Variants in MASP2 observed in about 807,000 individuals in gnomAD.
MASP2 encodes the protein MBL associated serine protease 2.
Under a neutral mutation model 57.1 loss-of-function variants are expected in MASP2, and 49 were observed. That is an observed-to-expected ratio of 0.86 (90% CI 0.68 to 1.09). The LOEUF (loss-of-function observed/expected upper bound fraction) is 1.09. Among genes scored for constraint, MASP2 ranks in the 50% least tolerant of loss-of-function variants. The pLI, the probability that MASP2 is intolerant of heterozygous loss-of-function variation, is 0.00. For synonymous variants in MASP2, 379 were observed against 340.8 expected, an observed-to-expected ratio of 1.11 and a Z score of -1.24; for missense variants, 900 against 874.8, an observed-to-expected ratio of 1.03 and a Z score of -0.36.
chr1:11,029,934 A>AT (rs1643813680), intron 10 of MASP2: 1 of 352,512 alleles, frequency 2.8e-6, no homozygotes, highest in Non-Finnish European at 5.1e-6. Flanking sequence ...AAATCATTTA[A>AT]TTTTTTATGC....
chr1:11,042,774 G>A lies in MASP2; in HGVS notation c.889+101C>T, dbSNP rs1638499703. On this transcript the variant is annotated intron_variant, in intron 6 of 10. Coordinates refer to ENST00000400897, the MANE Select transcript of MASP2 (RefSeq NM_006610.4). Reference sequence around the variant, plus strand: ...CCACTAAACCTGGTGTCCCTTCCTAGTCCTGGCCCAGAAGGAGCCCTACAC... The same window carrying A: ...CCACTAAACCTGGTGTCCCTTCCTAATCCTGGCCCAGAAGGAGCCCTACAC... 54 of 1,377,284 alleles carry A rather than the reference G, an allele frequency of 3.9e-5. No individual in the cohort carries two copies. In the South Asian group the frequency reaches 6.4e-4, roughly 16 times the overall value. The allele number at this position is 1,377,284 out of a possible 1,614,324, so 85.3% of individuals were successfully genotyped here.
intron 4 of MASP2, chr1:11,044,799 G>GGGGT: frequency 6.6e-7 from 1 of 1,523,148 alleles, no homozygotes; most frequent in Non-Finnish European, 8.8e-7. Flanking sequence ...GGCAGCAGGT[G>GGGGT]GGGTGGGGCC....
Position 11,027,078 on chromosome 1 carries a change from C to T in MASP2, c.1868G>A (p.Ser623Asn). 1 of 1,594,858 alleles carries T rather than the reference C, an allele frequency of 6.3e-7. No homozygotes were observed. Among genetic ancestry groups the T allele is most frequent in the Non-Finnish European group, 8.5e-7 (1 of 1,170,422 alleles). ...TANMLCAGLE[S>N]GGKDSCRGDS... ...ACCTCTGCAGCTGTCCTTGCCCCCACTTTCTAAGCCAGCACAAAGCATGTT... is the reference window on the plus strand; with the variant it reads ...ACCTCTGCAGCTGTCCTTGCCCCCATTTTCTAAGCCAGCACAAAGCATGTT... The change falls in exon 11 of 11, where the codon AGT becomes AAT. Residue 623 changes from serine (S) to asparagine (N), a missense_variant. Physicochemically the swap from Ser to Asn is conservative, Grantham distance 46 (BLOSUM62 1). Coordinates refer to ENST00000400897, the MANE Select transcript of MASP2 (RefSeq NM_006610.4).
At chr1:11,031,069 CGTGCCTGTTGTCCCAATTACTTGAGAG>C (rs529671645) in intron 8 of MASP2, among the ~76,000 whole-genome samples, 187 bp from the exon 9 acceptor site, 35 of 151,912 alleles carry the variant, frequency 2.3e-4, no homozygotes, top group Middle Eastern at 3.4e-3. Context: ...CATGGTGGCA[CGTGCCTGTTGTCCCAATTACTTGAGAG>C]GCTGAGGTGG....
intron 6 of MASP2, among the ~76,000 whole-genome samples, chr1:11,040,698 G>A (rs1638397920): frequency 6.6e-6 from 1 of 151,356 alleles, no homozygotes; most frequent in African/African-American, 2.4e-5. Context: ...CAGCTGGAAA[G>A]ATGGATGGAT....
intron 10 of MASP2, among the ~76,000 whole-genome samples, chr1:11,027,940 T>C (rs1386382191): frequency 2.0e-5 from 3 of 152,112 alleles, no homozygotes; most frequent in African/African-American, 7.2e-5. Flanking sequence ...ATTGGGAAAA[T>C]TGGCCGGGTG....
chr1:11,036,536 A>C (rs1638242770), intron 7 of MASP2, among the ~76,000 whole-genome samples: 3 of 139,136 alleles, frequency 2.2e-5, no homozygotes, highest in African/African-American at 5.9e-5. Flanking sequence ...AAAAAAAAAA[A>C]ACAAAAAAAA....
chr1:11,033,223 G>A (rs1320862999), intron 8 of MASP2, among the ~76,000 whole-genome samples: 1 of 152,056 alleles, frequency 6.6e-6, no homozygotes. Flanking sequence ...AGCTACTAGG[G>A]AGGCTGAGGC....
chr1:11,033,442 C>T (rs1185793730), intron 8 of MASP2, among the ~76,000 whole-genome samples: 3 of 152,098 alleles, frequency 2.0e-5, no homozygotes, highest in Non-Finnish European at 4.4e-5. Context: ...CTCAGGAGTT[C>T]AAGACCAGCT....
intron 9 of MASP2, 178 bp from the exon 10 acceptor site, chr1:11,030,428 C>G: frequency 1.7e-6 from 1 of 595,010 alleles, no homozygotes; most frequent in Non-Finnish European, 2.9e-6. Flanking sequence ...TGTTTGCTTG[C>G]AAAGTGGAAA....
chr1:11,043,563 C>T, intron 4 of MASP2, 28 bp from the exon 5 acceptor site: 2 of 1,530,004 alleles, frequency 1.3e-6, no homozygotes, highest in Non-Finnish European at 1.8e-6. Context: ...AGGGGAGTGA[C>T]TTGGCGTGCC....
In MASP2 at chr1:11,027,582, TCAC is replaced by T. The variant is rs769805840; in HGVS notation, c.1361_1363del (p.Gly454del). ...TAATATCAGGACTTGCCAAGGAAAATCACCAGGTTTTGCCTTTTGCCCTCCATA... is the reference window on the plus strand; with the variant it reads ...TAATATCAGGACTTGCCAAGGAAAATCAGGTTTTGCCTTTTGCCCTCCATA... On this transcript the variant is annotated inframe_deletion, in exon 11 of 11. Coordinates refer to ENST00000400897, the MANE Select transcript of MASP2 (RefSeq NM_006610.4). 1 of 1,614,144 alleles carries T rather than the reference TCAC, an allele frequency of 6.2e-7. No individual in the cohort carries two copies. The highest frequency in any genetic ancestry group is 1.1e-5 in the South Asian group (1 of 91,076).
chr1:11,030,248 T>G lies in MASP2; in HGVS notation c.1225A>C (p.Lys409Gln). ...TFYTMKVNDG[K>Q]YVCEADGFWT... is the part of the protein sequence containing the mutation. ...AATCCATCAGCCTCACACACATATT[T>G]ACCTGCAAATCATTGGAAAAGCAAA... Residue 409 changes from lysine (K) to glutamine (Q), a missense_variant and splice_region_variant, in exon 10 of 11, where the codon AAA becomes CAA. By Grantham distance (53) the Lys-to-Gln change is moderately conservative. Transcript: ENST00000400897. 1.2e-6 allele frequency: 2 copies of G among 1,612,152 alleles called. No homozygotes were observed. The highest frequency in any genetic ancestry group is 1.7e-6 in the Non-Finnish European group (2 of 1,179,108).
rs150101704 is a variant in MASP2 at position 11,035,974 on chromosome 1, G to C, written c.1009-1068C>G. Among the ~76,000 whole-genome samples the C allele has an allele frequency of 1.3e-3, 193 of 151,792 alleles. 4 individuals are homozygous for C. In the East Asian group the frequency reaches 0.036, roughly 28 times the overall value. ...CAGGTGTGATCAGACTTGCAAGTGT[G>C]TCTGTGTATCTGTCTAGCTGGTGGC... On this transcript the variant is annotated intron_variant, in intron 7 of 10. Transcript: ENST00000400897.
chr1:11,036,481 G>A (rs371589010), intron 7 of MASP2, among the ~76,000 whole-genome samples: 11 of 131,410 alleles, frequency 8.4e-5, no homozygotes, highest in Admixed American at 7.6e-4. Context: ...TCCGCAGTCC[G>A]GCCTGGGCGA....
At chr1:11,041,964 G>T (rs1191531544) in intron 6 of MASP2, among the ~76,000 whole-genome samples, 1 of 151,100 alleles carries the variant, frequency 6.6e-6, no homozygotes, top group East Asian at 2.0e-4. Flanking sequence ...ATAGGTGGAA[G>T]AATGGGTGGA....
intron 6 of MASP2, among the ~76,000 whole-genome samples, chr1:11,041,953 G>A (rs917290275): frequency 5.3e-5 from 8 of 150,906 alleles, no homozygotes; most frequent in Non-Finnish European, 1.0e-4. Flanking sequence ...TAAGTGGATG[G>A]ATAGGTGGAA....
chr1:11,041,736 T>A lies in MASP2; in HGVS notation c.889+1139A>T. Among the ~76,000 whole-genome samples the A allele has an allele frequency of 2.6e-3, 5 of 1,900 alleles. 2 individuals are homozygous for A. The highest frequency in any genetic ancestry group is 5.4e-3 in the Non-Finnish European group (5 of 924). The allele number at this position is 1,900 out of a possible 152,430, so 1.2% of individuals were successfully genotyped here. On this transcript the variant is annotated intron_variant, in intron 6 of 10. Coordinates refer to ENST00000400897, the MANE Select transcript of MASP2 (RefSeq NM_006610.4). ...GTGAATGGATGGATGGATGGATGGG[T>A]GAAGAATGGGTGGGTGGGTGGATGG...
chr1:11,035,779 C>T (rs141949293), intron 7 of MASP2, among the ~76,000 whole-genome samples: 120 of 151,616 alleles, frequency 7.9e-4, no homozygotes, highest in African/African-American at 2.7e-3. Context: ...GCCTGTAGTC[C>T]CAGCTACTTG....
Sources: allele counts gnomAD v4.1 joint callset (sites outside exome capture counted in the v4.1 genomes callset), GRCh38; gene constraint gnomAD v4.1.1; transcripts MANE v1.5; gene names NCBI Gene and HGNC (gene_info 2026-07-23, HGNC 2026-07-21).